The following IMMP2L variants were observed in gnomAD, a reference collection of about 807,000 sequenced individuals.
IMMP2L encodes the protein inner mitochondrial membrane peptidase subunit 2.
IMMP2L carries 18 observed loss-of-function variants against 19.3 expected under a neutral mutation model. The observed-to-expected ratio is 0.93, with a 90% CI of 0.64 to 1.38. The LOEUF (loss-of-function observed/expected upper bound fraction) is 1.38. IMMP2L is among the 40% of genes most tolerant of loss of function. The pLI, the probability that IMMP2L is intolerant of heterozygous loss-of-function variation, is 0.00. For synonymous variants in IMMP2L, 76 were observed against 73.0 expected (o/e 1.04, Z -0.21); for missense variants, 233 against 218.2 (o/e 1.07, Z -0.43).
chr7:110,885,820 C>T (rs769800593), intron 5 of IMMP2L, among the ~76,000 whole-genome samples: 3 of 151,886 alleles, frequency 2.0e-5, no homozygotes, highest in Non-Finnish European at 4.4e-5. Context: ...CTTGCCTGTA[C>T]CAGGAGGAAA....
chr7:111,281,100 GA>G (rs1819664428), intron 3 of IMMP2L, among the ~76,000 whole-genome samples: 2 of 56,898 alleles, frequency 3.5e-5, no homozygotes, highest in African/African-American at 8.9e-5. Flanking sequence ...GAGAGAAAGA[GA>G]GAAAGAGAGA....
intron 3 of IMMP2L, among the ~76,000 whole-genome samples, chr7:111,060,875 T>C (rs1793954361): frequency 6.6e-6 from 1 of 152,242 alleles, no homozygotes. Flanking sequence ...TTTAGCTATT[T>C]CACTTACTTA....
At chr7:111,418,245 AT>A (rs1229549464) in intron 3 of IMMP2L, among the ~76,000 whole-genome samples, 1 of 151,340 alleles carries the variant, frequency 6.6e-6, no homozygotes, top group East Asian at 1.9e-4. Flanking sequence ...GTAATTTTGT[AT>A]TTTTTTTAGG....
At chr7:111,212,562 G>T (rs1811442876) in intron 3 of IMMP2L, among the ~76,000 whole-genome samples, 1 of 151,808 alleles carries the variant, frequency 6.6e-6, no homozygotes, top group Non-Finnish European at 1.5e-5. Flanking sequence ...AGTGAGCTGA[G>T]ATCACACCAC....
intron 3 of IMMP2L, among the ~76,000 whole-genome samples, chr7:111,206,181 A>G (rs985630296): frequency 4.6e-5 from 7 of 152,162 alleles, no homozygotes; most frequent in African/African-American, 1.7e-4. Flanking sequence ...AGATCTCACT[A>G]TTAGTAAAGA....
At chr7:111,327,233 G>T (rs541409280) in intron 3 of IMMP2L, among the ~76,000 whole-genome samples, 43 of 151,840 alleles carry the variant, frequency 2.8e-4, no homozygotes, top group African/African-American at 1.0e-3. Context: ...AGGGGCTTGG[G>T]AGAGGGAAAA....
At chr7:110,840,008 T>C (rs1354021355) in intron 5 of IMMP2L, among the ~76,000 whole-genome samples, 2 of 149,686 alleles carry the variant, frequency 1.3e-5, no homozygotes, top group African/African-American at 5.1e-5. Context: ...GGCTTTTGTT[T>C]GGAATTAGCC....
At chr7:111,385,964 G>A (rs1831709213) in intron 3 of IMMP2L, among the ~76,000 whole-genome samples, 1 of 151,538 alleles carries the variant, frequency 6.6e-6, no homozygotes, top group African/African-American at 2.4e-5. Flanking sequence ...CTGTCACCCA[G>A]GCTGGACTGT....
chr7:110,908,614 G>T (rs1812724000), intron 4 of IMMP2L, among the ~76,000 whole-genome samples: 1 of 152,138 alleles, frequency 6.6e-6, no homozygotes, highest in Admixed American at 6.5e-5. Context: ...CTGTACAAAA[G>T]ACAAAAGACA....
intron 3 of IMMP2L, chr7:111,091,222 T>A (rs1330594152): frequency 1.3e-5 from 2 of 152,086 alleles, no homozygotes; most frequent in Non-Finnish European, 2.9e-5. Context: ...CTTCACTGGA[T>A]TGAGAGCCTC....
intron 5 of IMMP2L, chr7:110,664,837 A>C (rs1791332405): frequency 1.3e-5 from 2 of 152,184 alleles, no homozygotes; most frequent in Admixed American, 6.5e-5. Flanking sequence ...TTTATTTTCA[A>C]ATGTTTTTCC....
intron 5 of IMMP2L, among the ~76,000 whole-genome samples, chr7:110,885,722 T>C (rs1810153604): frequency 6.6e-6 from 1 of 152,030 alleles, no homozygotes; most frequent in African/African-American, 2.4e-5. Flanking sequence ...CTAAAGGCAC[T>C]TGACAAACAG....
chr7:111,194,036 A>G (rs1809191895), intron 3 of IMMP2L, among the ~76,000 whole-genome samples: 1 of 152,170 alleles, frequency 6.6e-6, no homozygotes, highest in South Asian at 2.1e-4. Flanking sequence ...ATAAAGTCAC[A>G]GCTGTCTCTT....
chr7:111,361,934 C>A (rs1160137685), intron 3 of IMMP2L, among the ~76,000 whole-genome samples: 1 of 151,846 alleles, frequency 6.6e-6, no homozygotes, highest in African/African-American at 2.4e-5. Context: ...CTCTCATATT[C>A]CTAAAAGAAT....
intron 3 of IMMP2L, among the ~76,000 whole-genome samples, chr7:111,184,146 T>C (rs914991484): frequency 3.3e-5 from 5 of 152,004 alleles, no homozygotes; most frequent in Admixed American, 6.6e-5. Flanking sequence ...ATTAGAGATA[T>C]ATGAGCAGCT....
chr7:110,728,658 A>G lies in IMMP2L; in HGVS notation c.409-64937T>C, dbSNP rs1796056747. ...CCAACAAACCCAAATATTGCCACTGATCCCCCTCCTATGCAAAGGACAGTA... is the reference window on the plus strand; with the variant it reads ...CCAACAAACCCAAATATTGCCACTGGTCCCCCTCCTATGCAAAGGACAGTA... On this transcript the variant is annotated intron_variant, in intron 5 of 5. Coordinates refer to ENST00000405709, the MANE Select transcript of IMMP2L (RefSeq NM_032549.4). This position sits in a 1 kb window ranked among gnomAD's most constrained non-coding sequence, Gnocchi z 4.6. 6.6e-6 allele frequency among the ~76,000 whole-genome samples: 1 copy of G among 152,124 alleles called. No homozygotes were observed. The highest frequency in any genetic ancestry group is 2.1e-4 in the South Asian group (1 of 4,824).
chr7:111,472,638 A>G lies in IMMP2L; in HGVS notation c.239+14600T>C, dbSNP rs1488632345. 3.3e-5 allele frequency among the ~76,000 whole-genome samples: 5 copies of G among 152,226 alleles called. 1 individual carries two copies. Among genetic ancestry groups the G allele is most frequent in the Non-Finnish European group, 7.4e-5 (5 of 68,026 alleles). On this transcript the variant is annotated intron_variant, in intron 3 of 5. Transcript: ENST00000405709. ...TGTATTTATGCTTTTCATTAAGAAA[A>G]GACACAATTATTTAAAAAATTAGTC...
At chr7:110,888,124 A>G (rs959814109) in intron 4 of IMMP2L, among the ~76,000 whole-genome samples, 1 of 152,194 alleles carries the variant, frequency 6.6e-6, no homozygotes, top group Non-Finnish European at 1.5e-5. Context: ...AAAAGCCCAC[A>G]GTAAGTTAAT....
At chr7:111,498,942 T>G (rs1457501261) in intron 2 of IMMP2L, among the ~76,000 whole-genome samples, 2 of 152,128 alleles carry the variant, frequency 1.3e-5, no homozygotes. Flanking sequence ...AAAAGCATTC[T>G]GGCAGATAAA....
Sources: gnomAD v4.1 joint callset for allele counts (sites outside exome capture counted in the v4.1 genomes callset) on GRCh38, gnomAD v4.1.1 for gene constraint, Gnocchi (gnomAD v3.1) non-coding constraint, MANE v1.5 for transcripts, NCBI Gene and HGNC (gene_info 2026-07-23, HGNC 2026-07-21) for gene names.